ARHGEF3: variants seen among roughly 807,000 people sequenced by gnomAD.
The protein encoded by ARHGEF3 is 59.8 kDA protein.
Under a neutral mutation model 63.2 loss-of-function variants are expected in ARHGEF3, and 28 were observed. That is an observed-to-expected ratio of 0.44 (90% CI 0.33 to 0.61). The LOEUF is 0.61. Among genes scored for constraint, ARHGEF3 ranks in the 20% least tolerant of loss-of-function variants. The pLI is 0.03. For synonymous variants in ARHGEF3, 266 were observed against 254.2 expected (o/e 1.05, Z -0.44); for missense variants, 533 against 659.3 (o/e 0.81, Z 2.10).
At chr3:57,052,478 G>T (rs994783378) in intron 1 of ARHGEF3, among the ~76,000 whole-genome samples, 2 of 151,990 alleles carry the variant, frequency 1.3e-5, no homozygotes, top group Non-Finnish European at 2.9e-5. Flanking sequence ...TGTATTTTTA[G>T]TAGAGACAGG....
chr3:56,793,306 G>A (rs1405765428), intron 1 of ARHGEF3, among the ~76,000 whole-genome samples: 3 of 152,002 alleles, frequency 2.0e-5, no homozygotes, highest in African/African-American at 4.8e-5. Flanking sequence ...AGTAGCTGGG[G>A]CTACAGGTGC....
In ARHGEF3 at chr3:56,923,025, A is replaced by AATATATAT. The variant is rs72294634; in HGVS notation, c.129+35790_129+35797dup. The stretch of plus-strand genomic sequence containing the variant: ...AAATGGCAAAACCCCATCTCTACTA[A>AATATATAT]ATATATATATATATATATATATATA... On this transcript the variant is annotated intron_variant, in intron 3 of 12. Transcript: ENST00000338458. Among the ~76,000 whole-genome samples the AATATATAT allele has an allele frequency of 2.9e-3, 266 of 91,038 alleles. 2 individuals carry two copies. The highest frequency in any genetic ancestry group is 4.0e-3 in the African/African-American group (82 of 20,742). The allele number at this position is 91,038 out of a possible 152,430, so 59.7% of individuals were successfully genotyped here.
intron 7 of ARHGEF3, among the ~76,000 whole-genome samples, chr3:56,742,174 ATT>A (rs879664535): frequency 1.4e-5 from 2 of 143,790 alleles, no homozygotes; most frequent in African/African-American, 2.5e-5. Flanking sequence ...GATTTCAGTG[ATT>A]TTTTTTTTTT....
intron 4 of ARHGEF3, among the ~76,000 whole-genome samples, chr3:56,824,327 A>G (rs1394825534): frequency 6.6e-6 from 1 of 152,194 alleles, no homozygotes; most frequent in Non-Finnish European, 1.5e-5. Flanking sequence ...TAAGAATGGG[A>G]CATAACAATA....
intron 2 of ARHGEF3, among the ~76,000 whole-genome samples, chr3:56,964,337 A>G (rs865863299): frequency 1.4e-5 from 2 of 142,380 alleles, no homozygotes; most frequent in Non-Finnish European, 3.0e-5. Flanking sequence ...TGGGTGAAAG[A>G]GCAAGACTGT....
chr3:56,968,532 T>A (rs73093615), intron 2 of ARHGEF3, among the ~76,000 whole-genome samples: 18,431 of 145,056 alleles, frequency 0.13, 1,319 homozygotes, highest in East Asian at 0.24. Flanking sequence ...TCTCCCTATG[T>A]TGCCCAGGAT....
intron 2 of ARHGEF3, among the ~76,000 whole-genome samples, chr3:57,010,328 T>C (rs551683942): frequency 3.6e-4 from 54 of 151,788 alleles, no homozygotes; most frequent in African/African-American, 5.6e-4. Flanking sequence ...TGGTGGCGGG[T>C]GCCTGTAGTC....
At chr3:57,067,454 A>AAACAATAAT (rs1705609627) in intron 1 of ARHGEF3, among the ~76,000 whole-genome samples, 1 of 140,458 alleles carries the variant, frequency 7.1e-6, no homozygotes, top group Non-Finnish European at 1.5e-5. Context: ...CTCTGTCTCA[A>AAACAATAAT]AATAATAATA....
intron 1 of ARHGEF3, among the ~76,000 whole-genome samples, chr3:57,070,568 T>G (rs187341926): frequency 1.3e-5 from 2 of 152,164 alleles, no homozygotes; most frequent in African/African-American, 2.4e-5. Context: ...ACAGAGTCAA[T>G]GTAACCCCTG....
intron 1 of ARHGEF3, among the ~76,000 whole-genome samples, chr3:57,070,962 ACT>A (rs1463178269): frequency 7.0e-6 from 1 of 142,232 alleles, no homozygotes; most frequent in African/African-American, 2.7e-5. Flanking sequence ...ACAGAGCAAG[ACT>A]CTGTCACAAA....
chr3:57,067,074 G>A (rs1705580484), intron 1 of ARHGEF3, among the ~76,000 whole-genome samples: 1 of 152,206 alleles, frequency 6.6e-6, no homozygotes, highest in Non-Finnish European at 1.5e-5. Flanking sequence ...GTAAGGACCT[G>A]TACTTGCATG....
chr3:56,938,382 G>A (rs538198922), intron 3 of ARHGEF3, among the ~76,000 whole-genome samples: 12 of 152,234 alleles, frequency 7.9e-5, no homozygotes, highest in African/African-American at 1.2e-4. Context: ...TTTCAATTAC[G>A]GAGGAAGAAT....
intron 2 of ARHGEF3, among the ~76,000 whole-genome samples, chr3:56,766,578 T>C (rs1057511519): frequency 1.3e-5 from 2 of 152,164 alleles, no homozygotes; most frequent in African/African-American, 4.8e-5. Context: ...CTAAGTAATG[T>C]GTAGTATTAG....
chr3:57,063,432 G>C (rs1275262820), intron 1 of ARHGEF3, among the ~76,000 whole-genome samples: 1 of 152,202 alleles, frequency 6.6e-6, no homozygotes, highest in Non-Finnish European at 1.5e-5. Flanking sequence ...CAGAGGCTTG[G>C]AGGCCGCAGT....
chr3:56,807,268 G>A (rs1578567411), intron 4 of ARHGEF3, among the ~76,000 whole-genome samples: 1 of 152,240 alleles, frequency 6.6e-6, no homozygotes, highest in East Asian at 1.9e-4. Flanking sequence ...TTACAGTCAG[G>A]TGTTCAATTA....
intron 8 of ARHGEF3, among the ~76,000 whole-genome samples, chr3:56,732,708 T>G (rs1333786625): frequency 1.3e-5 from 2 of 152,092 alleles, no homozygotes; most frequent in East Asian, 3.9e-4. Flanking sequence ...GGGGCCCTAT[T>G]CACATTGCAA....
chr3:56,916,317 G>A (rs890445010), intron 3 of ARHGEF3: 31 of 1,535,282 alleles, frequency 2.0e-5, no homozygotes, highest in Non-Finnish European at 2.4e-5. Flanking sequence ...ACCTGCGAAC[G>A]GACAAAGAGG....
chr3:56,926,745 T>A (rs1360737757), intron 3 of ARHGEF3, among the ~76,000 whole-genome samples: 1 of 152,232 alleles, frequency 6.6e-6, no homozygotes, highest in African/African-American at 2.4e-5. Context: ...TCCCCCAGTG[T>A]GATAACAAGA....
chr3:56,832,490 A>G (rs958511273), intron 4 of ARHGEF3, among the ~76,000 whole-genome samples: 18 of 151,500 alleles, frequency 1.2e-4, no homozygotes, highest in Admixed American at 3.3e-4. Context: ...TCTTCCCACC[A>G]CCTCAGTCCC....
Sources: gnomAD v4.1 joint callset for allele counts (sites outside exome capture counted in the v4.1 genomes callset) on GRCh38, gnomAD v4.1.1 for gene constraint, MANE v1.5 for transcripts, NCBI Gene and HGNC (gene_info 2026-07-23, HGNC 2026-07-21) for gene names.